DCLK3: variants seen among roughly 807,000 people sequenced by gnomAD.
DCLK3 encodes the protein serine/threonine-protein kinase DCLK3.
A neutral mutation model predicts 46.4 loss-of-function variants in DCLK3; 30 were observed. The observed-to-expected ratio is 0.65, with a 90% CI of 0.48 to 0.88. The LOEUF is 0.88. Ranked by LOEUF, DCLK3 falls within the 40% of genes least tolerant of loss-of-function variation. The pLI, the probability that DCLK3 is intolerant of heterozygous loss-of-function variation, is 0.00. For synonymous variants in DCLK3, 401 were observed against 339.2 expected (o/e 1.18, Z -2.00); for missense variants, 846 against 907.1 (o/e 0.93, Z 0.87).
chr3:36,721,642 G>A lies in DCLK3; in HGVS notation c.1977C>T (p.Asp659=). ...CAGCCAATTTCAAGGTAGTAGATTT[G>A]TCCTCATTTCGCTGAACCTGTAAGA... ...PENLLVQRNE[D]KSTTLKLADF... Residue 659 remains aspartate (D), a synonymous_variant, in exon 3 of 5, where the codon GAC becomes GAT. Transcript: ENST00000636136. The A allele has an allele frequency of 6.2e-7, 1 of 1,614,110 alleles. No individual in the cohort carries two copies. The highest frequency in any genetic ancestry group is 1.1e-5 in the South Asian group (1 of 91,070).
chr3:36,738,301 C>T lies in DCLK3; in HGVS notation c.866G>A (p.Arg289Lys). Reference protein sequence around the residue: ...REATLEERHARGEKHLGVEIE... With the variant: ...REATLEERHAKGEKHLGVEIE... Reference sequence around the variant, plus strand: ...CTCCACCCCAAGATGCTTCTCTCCCCTTGCGTGCCTCTCTTCCAGAGTGGC... The same window carrying T: ...CTCCACCCCAAGATGCTTCTCTCCCTTTGCGTGCCTCTCTTCCAGAGTGGC... The change falls in exon 2 of 5, where the codon AGG becomes AAG. Residue 289 changes from arginine (R) to lysine (K), a missense_variant. Arg to Lys is a conservative substitution (Grantham distance 26, BLOSUM62 2). Transcript: ENST00000636136. 3 of 1,516,040 alleles carry T rather than the reference C, an allele frequency of 2.0e-6. No homozygotes were observed. Among genetic ancestry groups the T allele is most frequent in the East Asian group, 2.3e-5 (1 of 43,106 alleles). 93.9% of individuals were successfully genotyped at this position (1,516,040 alleles called of 1,614,324 possible).
chr3:36,723,406 T>A (rs1701085875), intron 2 of DCLK3, among the ~76,000 whole-genome samples: 1 of 152,108 alleles, frequency 6.6e-6, no homozygotes, highest in South Asian at 2.1e-4. Flanking sequence ...GCTGCAGAAA[T>A]TTGCCTAAGT....
chr3:36,760,749 T>A (rs1701532409), intron 1 of DCLK3, among the ~76,000 whole-genome samples: 1 of 152,224 alleles, frequency 6.6e-6, no homozygotes. Flanking sequence ...AGATGATTCA[T>A]ATGTCCAGCA....
intron 2 of DCLK3, among the ~76,000 whole-genome samples, chr3:36,727,952 C>A (rs1701145349): frequency 6.6e-6 from 1 of 152,192 alleles, no homozygotes; most frequent in South Asian, 2.1e-4. Flanking sequence ...TAGAATAATT[C>A]TTCTTCCCAG....
chr3:36,722,328 A>G (rs1258310737), intron 2 of DCLK3, among the ~76,000 whole-genome samples: 1 of 152,234 alleles, frequency 6.6e-6, no homozygotes, highest in African/African-American at 2.4e-5. Context: ...ATTCAATTGT[A>G]CATTTTTAAA....
In DCLK3 at chr3:36,764,061, G is replaced by T. The variant is rs1287921928; in HGVS notation, c.82+121C>A. 4.7e-6 allele frequency: 1 copy of T among 212,372 alleles called. No individual in the cohort carries two copies. Among genetic ancestry groups the T allele is most frequent in the Non-Finnish European group, 9.3e-6 (1 of 107,188 alleles). The allele number at this position is 212,372 out of a possible 1,614,324, so 13.2% of individuals were successfully genotyped here. A position where few individuals can be genotyped will look rare whatever the true frequency, so the allele number is the denominator to read the frequency against. ...ACACAGTCCTCCGTACACCCACGCG[G>T]GGTCTGGCACTGCTGCTACATCCCG... is the stretch of plus-strand genomic sequence containing the variant. On this transcript the variant is annotated intron_variant, in intron 1 of 4. Transcript: ENST00000636136. This position sits in a 1 kb window ranked among gnomAD's most constrained non-coding sequence, Gnocchi z 4.9.
intron 1 of DCLK3, among the ~76,000 whole-genome samples, chr3:36,745,460 G>A (rs1048733910): frequency 1.1e-4 from 16 of 151,930 alleles, no homozygotes; most frequent in African/African-American, 3.6e-4. Flanking sequence ...AAATGAATTC[G>A]GTGTTTTAAA....
chr3:36,734,634 A>G (rs1037282548), intron 2 of DCLK3, among the ~76,000 whole-genome samples: 12 of 152,190 alleles, frequency 7.9e-5, no homozygotes, highest in Non-Finnish European at 1.6e-4. Context: ...ATTGGGATCA[A>G]TTCCAATAAA....
At position 36,737,246 on chromosome 3, in the gene DCLK3, T is replaced by C. The variant is rs778148473; in HGVS notation, c.1921A>G (p.Ser641Gly). The change falls in exon 2 of 5, where the codon AGC becomes GGC. Residue 641 changes from serine to glycine, a missense_variant. Physicochemically the swap from Ser to Gly is moderately conservative, Grantham distance 56. This residue lies in a region of DCLK3 where 247 missense variants were observed against 322.8 expected (regional missense o/e 0.77). Coordinates refer to ENST00000636136, the MANE Select transcript of DCLK3 (RefSeq NM_001394672.2). The surrounding 1 kb of genome is among the most constrained non-coding windows in gnomAD (Gnocchi z 4.4). ...CKALVHMHDKSIVHRDLKPEN... is the reference protein window; with the variant it reads ...CKALVHMHDKGIVHRDLKPEN... The stretch of plus-strand genomic sequence containing the variant: ...GGCTTGAGGTCCCGGTGGACAATGC[T>C]CTTGTCGTGCATGTGGACGAGGGCT... 6.2e-7 allele frequency: 1 copy of C among 1,614,120 alleles called. No individual in the cohort carries two copies. The highest frequency in any genetic ancestry group is 8.5e-7 in the Non-Finnish European group (1 of 1,180,018).
At chr3:36,754,623 T>C (rs1431079633) in intron 1 of DCLK3, among the ~76,000 whole-genome samples, 1 of 152,236 alleles carries the variant, frequency 6.6e-6, no homozygotes, top group Non-Finnish European at 1.5e-5. Context: ...GTTTTAAATG[T>C]GTGAGAGATT....
chr3:36,746,065 C>G (rs1442972917), intron 1 of DCLK3, among the ~76,000 whole-genome samples: 1 of 152,204 alleles, frequency 6.6e-6, no homozygotes, highest in Non-Finnish European at 1.5e-5. Flanking sequence ...TCCTCACTAC[C>G]TATCCTCTTT....
chr3:36,717,482 C>G (rs182255087), intron 4 of DCLK3, among the ~76,000 whole-genome samples: 5 of 152,060 alleles, frequency 3.3e-5, no homozygotes, highest in Non-Finnish European at 7.4e-5. Context: ...GTAGTACAGA[C>G]AAATCAGTAG....
chr3:36,746,765 G>C (rs1400601318), intron 1 of DCLK3, among the ~76,000 whole-genome samples: 2 of 152,232 alleles, frequency 1.3e-5, no homozygotes, highest in African/African-American at 4.8e-5. Context: ...GGTTAAACTG[G>C]AAGTCCCATT....
At chr3:36,730,195 C>T (rs1407698954) in intron 2 of DCLK3, among the ~76,000 whole-genome samples, 28 of 32,140 alleles carry the variant, frequency 8.7e-4, no homozygotes, top group African/African-American at 3.5e-3. Flanking sequence ...ACCATATATA[C>T]ACACACACAC....
rs1701279255 is a variant in DCLK3 at position 36,737,514 on chromosome 3, A to G, written c.1653T>C (p.Tyr551=). ...ECRHRETRQA[Y]AMKIIDKSRL... is the part of the protein sequence containing the mutation. Reference sequence around the variant, plus strand: ...TGGACTTGTCAATGATCTTCATCGCATAGGCCTGCCTGGTCTCGCGGTGTC... The same window carrying G: ...TGGACTTGTCAATGATCTTCATCGCGTAGGCCTGCCTGGTCTCGCGGTGTC... The change falls in exon 2 of 5, where the codon TAT becomes TAC. Residue 551 remains tyrosine (Y), a synonymous_variant. Coordinates refer to ENST00000636136, the MANE Select transcript of DCLK3 (RefSeq NM_001394672.2). This position sits in a 1 kb window ranked among gnomAD's most constrained non-coding sequence, Gnocchi z 4.4. 1.9e-6 allele frequency: 3 copies of G among 1,614,062 alleles called. No individual in the cohort carries two copies. Among genetic ancestry groups the G allele is most frequent in the African/African-American group, 1.3e-5 (1 of 74,930 alleles).
chr3:36,757,419 C>T (rs1249273052), intron 1 of DCLK3, among the ~76,000 whole-genome samples: 1 of 152,158 alleles, frequency 6.6e-6, no homozygotes, highest in African/African-American at 2.4e-5. Flanking sequence ...TATGGCATGA[C>T]AGCTTCTAGC....
chr3:36,761,940 T>C (rs771142419), intron 1 of DCLK3, among the ~76,000 whole-genome samples: 7 of 152,132 alleles, frequency 4.6e-5, no homozygotes, highest in Admixed American at 1.3e-4. Flanking sequence ...AACATCTGCC[T>C]GAAATATTCA....
At chr3:36,718,310 G>A in intron 3 of DCLK3, 133 bp from the exon 4 acceptor site, 2 of 1,234,920 alleles carry the variant, frequency 1.6e-6, no homozygotes, top group Non-Finnish European at 2.3e-6. Context: ...GCAACCAAGA[G>A]CCACTTCCAA....
chr3:36,755,745 T>G lies in DCLK3; in HGVS notation c.82+8437A>C, dbSNP rs935320211. Among the ~76,000 whole-genome samples, 26 of 152,106 alleles carry G rather than the reference T, an allele frequency of 1.7e-4. 1 individual carries two copies. The highest frequency in any genetic ancestry group is 6.3e-4 in the African/African-American group (26 of 41,416). On this transcript the variant is annotated intron_variant, in intron 1 of 4. Transcript: ENST00000636136. The stretch of plus-strand genomic sequence containing the variant: ...AGTGGTGGCACCCAAAAAACGACAG[T>G]GTGACACTGTTTATCAGATAGATAG...
Sources: allele counts gnomAD v4.1 joint callset (sites outside exome capture counted in the v4.1 genomes callset), GRCh38; gene constraint gnomAD v4.1.1; regional missense constraint gnomAD v4.1.1; non-coding constraint Gnocchi (gnomAD v3.1); transcripts MANE v1.5; gene names NCBI Gene and HGNC (gene_info 2026-07-23, HGNC 2026-07-21).